The following BRAF variants were observed in gnomAD, a reference collection of about 807,000 sequenced individuals.
The protein encoded by BRAF is serine/threonine-protein kinase B-raf.
A neutral mutation model predicts 104.6 loss-of-function variants in BRAF; 16 were observed. That is an observed-to-expected ratio of 0.15 (90% CI 0.10 to 0.23). The LOEUF (loss-of-function observed/expected upper bound fraction) is 0.23, where lower values mean the gene tolerates loss of function less well. Among genes scored for constraint, BRAF ranks in the 10% least tolerant of loss-of-function variants. The probability of loss-of-function intolerance (pLI) is 1.00; values close to 1 mark genes in which losing one functional copy is unlikely to be tolerated. For synonymous variants in BRAF, 310 were observed against 341.6 expected (o/e 0.91, Z 1.02); for missense variants, 541 against 937.3 (o/e 0.58, Z 5.52).
intron 1 of BRAF, among the ~76,000 whole-genome samples, chr7:140,921,565 T>C (rs941706732): frequency 6.6e-6 from 1 of 152,104 alleles, no homozygotes; most frequent in Non-Finnish European, 1.5e-5. Context: ...TAATAATACG[T>C]AGAAATTTTT....
rs1795446993 is a variant in BRAF, at chr7:140,723,871, A to C, written c.*2623T>G. 1 of 1,046,606 alleles carries C rather than the reference A, an allele frequency of 9.6e-7. No homozygotes were observed. Among genetic ancestry groups the C allele is most frequent in the Non-Finnish European group, 1.2e-6 (1 of 867,566 alleles). The allele number at this position is 1,046,606 out of a possible 1,614,324, so 64.8% of individuals were successfully genotyped here. On this transcript the variant is annotated 3_prime_UTR_variant, in exon 20 of 20. Coordinates refer to ENST00000644969, the MANE Select transcript of BRAF (RefSeq NM_001374258.1). ...TTCTTCCTCGTTTTTTTAGGAGCTC[A>C]GTAAGTCTAACTGTTGTCTAAGCAT... is the stretch of plus-strand genomic sequence containing the variant.
At chr7:140,749,683 A>G (rs951932071) in intron 16 of BRAF, among the ~76,000 whole-genome samples, 1 of 152,206 alleles carries the variant, frequency 6.6e-6, no homozygotes, top group Non-Finnish European at 1.5e-5. Flanking sequence ...ATCTTTCTGC[A>G]GAAAATACCA....
chr7:140,751,495 A>C (rs1047111700), intron 16 of BRAF, among the ~76,000 whole-genome samples: 7 of 152,220 alleles, frequency 4.6e-5, no homozygotes, highest in African/African-American at 1.4e-4. Flanking sequence ...TTATTAATTA[A>C]AAGTTAAACA....
In BRAF at chr7:140,741,870, T is replaced by C. The variant is rs550785961; in HGVS notation, c.2113-1924A>G. ...CTACGTGGGAGGCTGAGGCAAGGAA[T>C]TGATTGAACCCAGGAGGCAGAGGTT... On this transcript the variant is annotated intron_variant, in intron 17 of 19. Coordinates refer to ENST00000644969, the MANE Select transcript of BRAF (RefSeq NM_001374258.1). Among the ~76,000 whole-genome samples the C allele has an allele frequency of 1.3e-3, 192 of 151,958 alleles. 2 individuals are homozygous for C. Among genetic ancestry groups the C allele is most frequent in the East Asian group, 4.1e-3 (21 of 5,120 alleles).
At chr7:140,836,816 G>A (rs1464969275) in intron 2 of BRAF, among the ~76,000 whole-genome samples, 9 of 152,102 alleles carry the variant, frequency 5.9e-5, no homozygotes, top group African/African-American at 2.2e-4. Flanking sequence ...CCTACTCTTT[G>A]AAGATCACAT....
At chr7:140,906,689 C>A (rs1816365282) in intron 1 of BRAF, among the ~76,000 whole-genome samples, 1 of 152,150 alleles carries the variant, frequency 6.6e-6, no homozygotes, top group South Asian at 2.1e-4. Context: ...AAGTATTTTA[C>A]CCTCATTGTA....
intron 1 of BRAF, among the ~76,000 whole-genome samples, chr7:140,868,495 T>C (rs954318049): frequency 6.6e-6 from 1 of 152,046 alleles, no homozygotes; most frequent in African/African-American, 2.4e-5. Context: ...ACACAGTGTA[T>C]GATTCCACGT....
chr7:140,764,074 C>T (rs1012195330), intron 14 of BRAF, among the ~76,000 whole-genome samples: 11 of 152,174 alleles, frequency 7.2e-5, no homozygotes, highest in African/African-American at 1.7e-4. Context: ...CCGAATCCAG[C>T]AGCACATCAA....
intron 1 of BRAF, among the ~76,000 whole-genome samples, chr7:140,879,757 G>A (rs2129102269): frequency 6.7e-6 from 1 of 149,852 alleles, no homozygotes; most frequent in South Asian, 2.1e-4. Context: ...TTAAGATGGA[G>A]TCTTGCTCTG....
chr7:140,751,581 A>G (rs1005532187), intron 16 of BRAF, among the ~76,000 whole-genome samples: 1 of 152,198 alleles, frequency 6.6e-6, no homozygotes, highest in African/African-American at 2.4e-5. Context: ...GAAATCTACT[A>G]GTCCAACTCA....
At chr7:140,896,084 C>T (rs559338847) in intron 1 of BRAF, among the ~76,000 whole-genome samples, 1 of 152,124 alleles carries the variant, frequency 6.6e-6, no homozygotes, top group East Asian at 1.9e-4. Context: ...ATAACAGCCA[C>T]CCTAACTGGG....
At chr7:140,748,718 C>G (rs1797549181) in intron 17 of BRAF, among the ~76,000 whole-genome samples, 1 of 152,018 alleles carries the variant, frequency 6.6e-6, no homozygotes, top group Non-Finnish European at 1.5e-5. Flanking sequence ...GCTAAGAGCT[C>G]CATGAGGCTA....
intron 15 of BRAF, chr7:140,753,644 C>G (rs1247205688): frequency 2.1e-5 from 8 of 380,324 alleles, no homozygotes; most frequent in Non-Finnish European, 3.9e-5. Context: ...AGATGCTTTC[C>G]TAAGTTTATA....
At chr7:140,731,533 C>G (rs1249960814) in intron 19 of BRAF, 1 of 152,194 alleles carries the variant, frequency 6.6e-6, no homozygotes, top group African/African-American at 2.4e-5. Flanking sequence ...ACATAATTTT[C>G]TTAAACTAAG....
intron 17 of BRAF, among the ~76,000 whole-genome samples, chr7:140,742,828 C>T (rs941771634): frequency 5.9e-5 from 9 of 151,938 alleles, no homozygotes; most frequent in Middle Eastern, 3.4e-3. Flanking sequence ...ACTCATCTGA[C>T]AAAGGGCTAA....
chr7:140,767,879 G>A (rs1799478768), intron 14 of BRAF, among the ~76,000 whole-genome samples: 1 of 152,132 alleles, frequency 6.6e-6, no homozygotes, highest in Non-Finnish European at 1.5e-5. Flanking sequence ...TGTATATAAA[G>A]TACACAGAAT....
At chr7:140,846,626 A>C (rs1372429922) in intron 2 of BRAF, among the ~76,000 whole-genome samples, 1 of 152,166 alleles carries the variant, frequency 6.6e-6, no homozygotes, top group African/African-American at 2.4e-5. Context: ...ACATGAATGG[A>C]CTTAATGCCA....
chr7:140,768,162 CAG>C (rs1799507493), intron 14 of BRAF, among the ~76,000 whole-genome samples: 1 of 152,158 alleles, frequency 6.6e-6, no homozygotes, highest in African/African-American at 2.4e-5. Flanking sequence ...ATATTAATGA[CAG>C]TTATCTCTTG....
chr7:140,753,932 T>A, intron 15 of BRAF: 1 of 538,490 alleles, frequency 1.9e-6, no homozygotes, highest in Non-Finnish European at 3.3e-6. Context: ...GCTGATAAAA[T>A]GTAAGCAAGC....
Sources: allele counts gnomAD v4.1 joint callset (sites outside exome capture counted in the v4.1 genomes callset), GRCh38; gene constraint gnomAD v4.1.1; transcripts MANE v1.5; gene names NCBI Gene and HGNC (gene_info 2026-07-23, HGNC 2026-07-21).